PCDHGA3: variants seen among roughly 807,000 people sequenced by gnomAD.
PCDHGA3 encodes protocadherin gamma-A3.
Under a neutral mutation model 58.5 loss-of-function variants are expected in PCDHGA3, and 40 were observed. The observed-to-expected ratio is 0.68, with a 90% confidence interval of 0.53 to 0.89. PCDHGA3 has a LOEUF of 0.89. Among genes scored for constraint, PCDHGA3 ranks in the 40% least tolerant of loss-of-function variants. The pLI is 0.00. For missense variants in PCDHGA3, 1,223 were observed against 1,195.9 expected, an observed-to-expected ratio of 1.02 and a Z score of -0.33; for synonymous variants, 530 against 525.7, an observed-to-expected ratio of 1.01 and a Z score of -0.11.
chr5:141,413,198 C>G, intron 1 of PCDHGA3: 1 of 1,611,416 alleles, frequency 6.2e-7, no homozygotes, highest in Non-Finnish European at 8.5e-7. Context: ...AGGAATCGCT[C>G]AAAGGAATCA....
intron 1 of PCDHGA3, among the ~76,000 whole-genome samples, chr5:141,347,217 G>C (rs1757935730): frequency 7.7e-6 from 1 of 130,632 alleles, no homozygotes; most frequent in Non-Finnish European, 1.6e-5. Flanking sequence ...GCAGTGGCAT[G>C]ATCACGGCTC....
At chr5:141,347,222 C>T (rs574575548) in intron 1 of PCDHGA3, among the ~76,000 whole-genome samples, 8 of 145,762 alleles carry the variant, frequency 5.5e-5, no homozygotes, top group African/African-American at 1.0e-4. Context: ...GGCATGATCA[C>T]GGCTCACTGC....
At position 141,491,381 on chromosome 5, in the gene PCDHGA3, C is replaced by CT. The variant is rs1554177905; in HGVS notation, c.2425-3426_2425-3425insT. The CT allele has an allele frequency of 2.8e-5, 45 of 1,614,068 alleles. No individual in the cohort carries two copies. Among genetic ancestry groups the CT allele is most frequent in the Non-Finnish European group, 3.5e-5 (41 of 1,179,950 alleles). On this transcript the variant is annotated intron_variant, in intron 1 of 3. Coordinates refer to ENST00000253812, the MANE Select transcript of PCDHGA3 (RefSeq NM_018916.4). This position sits in a 1 kb window ranked among gnomAD's most constrained non-coding sequence, Gnocchi z 6.9. ...CTAGTCACCTTCACCTTTCTGTCAG[C>CT]GAAGTGCCTTCAGGGAAACGCAGAC...
Position 141,490,760 on chromosome 5 carries a change from T to G in PCDHGA3, c.2425-4047T>G. 1 of 1,614,070 alleles carries G rather than the reference T, an allele frequency of 6.2e-7. No individual in the cohort carries two copies. On this transcript the variant is annotated intron_variant, in intron 1 of 3. Coordinates refer to ENST00000253812, the MANE Select transcript of PCDHGA3 (RefSeq NM_018916.4). This position sits in a 1 kb window ranked among gnomAD's most constrained non-coding sequence, Gnocchi z 5.4. Reference sequence around the variant, plus strand: ...CAGGGAGCCCCAGCCTCCTCCTTTGTGTATGTCAACCCAGAGGATGGACGG... The same window carrying G: ...CAGGGAGCCCCAGCCTCCTCCTTTGGGTATGTCAACCCAGAGGATGGACGG...
chr5:141,356,741 T>C, intron 1 of PCDHGA3: 1 of 1,614,006 alleles, frequency 6.2e-7, no homozygotes, highest in Non-Finnish European at 8.5e-7. Flanking sequence ...ACAGGGATCC[T>C]ATATGCTCTT....
In PCDHGA3 at chr5:141,432,002, G is replaced by A. The variant is rs781525225; in HGVS notation, c.2425-62805G>A. On this transcript the variant is annotated intron_variant, in intron 1 of 3. Transcript: ENST00000253812. This position sits in a 1 kb window ranked among gnomAD's most constrained non-coding sequence, Gnocchi z 6.0. ...AGACATAGTCTTGGATAGGGAACAG[G>A]TTCCTAGCTACAACATCACAGTGAC... The A allele has an allele frequency of 1.9e-6, 3 of 1,614,186 alleles. No homozygotes were observed. In the South Asian group the frequency reaches 3.3e-5, roughly 18 times the overall value.
intron 1 of PCDHGA3, chr5:141,393,077 C>T (rs2150506328): frequency 6.2e-7 from 1 of 1,613,710 alleles, no homozygotes; most frequent in Non-Finnish European, 8.5e-7. Flanking sequence ...TCACCGCGGG[C>T]AGGATAGATC....
At chr5:141,435,575 C>T (rs1054936213) in intron 1 of PCDHGA3, among the ~76,000 whole-genome samples, 2 of 152,088 alleles carry the variant, frequency 1.3e-5, no homozygotes, top group South Asian at 2.1e-4. Context: ...AGTACTGGGG[C>T]AAATTTGCAG....
Position 141,346,114 on chromosome 5 carries a change from T to G in PCDHGA3, c.2081T>G (p.Val694Gly). ...GATTCGGACCTCACTCTGTACCTGG[T>G]GGTGGCGGTGGCCGCGGTCTCCTGC... ...PNDSDLTLYL[V>G]VAVAAVSCVF... The change falls in exon 1 of 4, where the codon GTG (valine) becomes GGG (glycine). Residue 694 changes from valine to glycine, a missense_variant. Around this residue, in one of 3 missense-constraint regions of PCDHGA3, gnomAD observed 325 missense variants for 327.5 expected, o/e 0.99. Coordinates refer to ENST00000253812, the MANE Select transcript of PCDHGA3 (RefSeq NM_018916.4). The G allele has an allele frequency of 6.2e-7, 1 of 1,613,878 alleles. No homozygotes were observed. The highest frequency in any genetic ancestry group is 8.5e-7 in the Non-Finnish European group (1 of 1,179,888).
rs1231121250 is a variant in PCDHGA3 at position 141,399,544 on chromosome 5, T to G, written c.2424+53087T>G. The G allele has an allele frequency of 5.6e-6, 9 of 1,614,022 alleles. No individual in the cohort carries two copies. The highest frequency in any genetic ancestry group is 7.6e-6 in the Non-Finnish European group (9 of 1,179,882). ...GGCCTCCATCGCGCAAGTCTGCGCCTCGGACCTGGACTTGGGGTTGAACGG... is the reference window on the plus strand; with the variant it reads ...GGCCTCCATCGCGCAAGTCTGCGCCGCGGACCTGGACTTGGGGTTGAACGG... On this transcript the variant is annotated intron_variant, in intron 1 of 3. Transcript: ENST00000253812.
chr5:141,388,848 G>T (rs766706887), intron 1 of PCDHGA3: 1 of 1,613,942 alleles, frequency 6.2e-7, no homozygotes, highest in East Asian at 2.2e-5. Context: ...AGCAAGGGAC[G>T]GTGGAGGAAT....
chr5:141,410,161 A>C (rs2095363664), intron 1 of PCDHGA3: 1 of 1,613,220 alleles, frequency 6.2e-7, no homozygotes, highest in African/African-American at 1.3e-5. Context: ...GACAGCCGCC[A>C]CTCTCTGCCA....
chr5:141,384,742 G>A (rs1477575254), intron 1 of PCDHGA3: 1 of 1,613,976 alleles, frequency 6.2e-7, no homozygotes, highest in African/African-American at 1.3e-5. Flanking sequence ...CAGCGAGCCA[G>A]GACTCTTTGC....
At chr5:141,364,912 G>C (rs1763613717) in intron 1 of PCDHGA3, 1 of 1,613,966 alleles carries the variant, frequency 6.2e-7, no homozygotes, top group Non-Finnish European at 8.5e-7. Context: ...ATCCGGAGCT[G>C]GTGTTGGAAC....
rs1327978995 is a variant in PCDHGA3, at chr5:141,345,630, A to C, written c.1597A>C (p.Thr533Pro). 7 of 1,614,206 alleles carry C rather than the reference A, an allele frequency of 4.3e-6. No homozygotes were observed. In the East Asian group the frequency reaches 1.6e-4, roughly 36 times the overall value. Residue 533 changes from threonine (T) to proline (P), a missense_variant, in exon 1 of 4, where the codon ACA (threonine) becomes CCA (proline). Coordinates refer to ENST00000253812, the MANE Select transcript of PCDHGA3 (RefSeq NM_018916.4). ...EQFRDLKLLV[T>P]ASDSGNPPLS... ...ATTTAGAGACTTAAAGCTACTGGTG[A>C]CAGCCAGCGACAGCGGGAACCCTCC...
Position 141,432,979 on chromosome 5 carries a change from TGTGGGC to T in PCDHGA3, c.2425-61823_2425-61818del. 1 of 1,614,228 alleles carries T rather than the reference TGTGGGC, an allele frequency of 6.2e-7. No individual in the cohort carries two copies. On this transcript the variant is annotated intron_variant, in intron 1 of 3. Coordinates refer to ENST00000253812, the MANE Select transcript of PCDHGA3 (RefSeq NM_018916.4). The surrounding 1 kb of genome is among the most constrained non-coding windows in gnomAD (Gnocchi z 6.0). ...TGACAGGAGCGCCGGCGTCGCACTTTGTGGGCGTGGACGGGGTGCAGGCTTTCCTGC... is the reference window on the plus strand; with the variant it reads ...TGACAGGAGCGCCGGCGTCGCACTTTGTGGACGGGGTGCAGGCTTTCCTGC...
Position 141,431,887 on chromosome 5 carries a change from T to G in PCDHGA3, c.2425-62920T>G. ...TTTTAAATGTAAATGACCAAGATTC[T>G]GAGGAAAACGGACAGGTGATCTGTT... On this transcript the variant is annotated intron_variant, in intron 1 of 3. Transcript: ENST00000253812. The surrounding 1 kb of genome is among the most constrained non-coding windows in gnomAD (Gnocchi z 4.8). 6.2e-7 allele frequency: 1 copy of G among 1,614,190 alleles called. No individual in the cohort carries two copies. Among genetic ancestry groups the G allele is most frequent in the Non-Finnish European group, 8.5e-7 (1 of 1,179,996 alleles).
chr5:141,486,284 C>G lies in PCDHGA3; in HGVS notation c.2425-8523C>G, dbSNP rs1259853159. ...TGCAGAACCTGGCACTGTGGTGGCA[C>G]TTATCAGTGTGCAGGATCCAGACTC... On this transcript the variant is annotated intron_variant, in intron 1 of 3. Transcript: ENST00000253812. This position sits in a 1 kb window ranked among gnomAD's most constrained non-coding sequence, Gnocchi z 5.0. The G allele has an allele frequency of 6.2e-7, 1 of 1,614,050 alleles. No homozygotes were observed. The highest frequency in any genetic ancestry group is 8.5e-7 in the Non-Finnish European group (1 of 1,179,988).
At chr5:141,478,279 G>A (rs2099443292) in intron 1 of PCDHGA3, 1 of 1,614,202 alleles carries the variant, frequency 6.2e-7, no homozygotes, top group Middle Eastern at 1.6e-4. Context: ...ACAAGTGGAA[G>A]CAGTCTAGAG....
Sources: gnomAD v4.1 joint callset for allele counts (sites outside exome capture counted in the v4.1 genomes callset) on GRCh38, gnomAD v4.1.1 for gene constraint, gnomAD v4.1.1 regional missense constraint, Gnocchi (gnomAD v3.1) non-coding constraint, MANE v1.5 for transcripts, NCBI Gene and HGNC (gene_info 2026-07-23, HGNC 2026-07-21) for gene names.